RSRP1: variants seen among roughly 807,000 people sequenced by gnomAD.
RSRP1 encodes arginine/serine-rich protein 1.
In RSRP1, 37 loss-of-function variants were observed where a neutral mutation model predicts 33.0. That is an observed-to-expected ratio of 1.12 (90% CI 0.86 to 1.48). The LOEUF (loss-of-function observed/expected upper bound fraction) is 1.48. RSRP1 is among the 40% of genes most tolerant of loss of function. The probability of loss-of-function intolerance (pLI) is 0.00; values close to 1 mark genes in which losing one functional copy is unlikely to be tolerated. For synonymous variants in RSRP1, 167 were observed against 158.7 expected (o/e 1.05, Z -0.40); for missense variants, 402 against 385.3 (o/e 1.04, Z -0.36).
At chr1:25,284,337 T>C (rs1641765001) in intron 1 of RSRP1, among the ~76,000 whole-genome samples, 2 of 135,876 alleles carry the variant, frequency 1.5e-5, no homozygotes, top group Non-Finnish European at 3.5e-5. Context: ...CTGCCCTAAG[T>C]GCTTAATTAG....
Position 25,309,320 on chromosome 1 carries a change from G to T in RSRP1, c.-67+28658C>A, listed in dbSNP as rs1317071825. ...TTTCAATTCTCAGTCCTTTGATTAC[G>T]TCAGGGAGAAAAGAAAGTCCCCACT... is the stretch of plus-strand genomic sequence containing the variant. On this transcript the variant is annotated intron_variant, in intron 1 of 1. Transcript: ENST00000561867. Among the ~76,000 whole-genome samples, 2 of 130,818 alleles carry T rather than the reference G, an allele frequency of 1.5e-5. 1 individual carries two copies. Among genetic ancestry groups the T allele is most frequent in the Non-Finnish European group, 3.6e-5 (2 of 55,702 alleles). The allele number at this position is 130,818 out of a possible 152,430, so 85.8% of individuals were successfully genotyped here.
chr1:25,246,320 T>C, intron 2 of RSRP1, 124 bp downstream of exon 2: 1 of 1,443,352 alleles, frequency 6.9e-7, no homozygotes, highest in Non-Finnish European at 9.4e-7. Context: ...CCCTCTTTCC[T>C]CCAAAAAGAT....
Position 25,319,320 on chromosome 1 carries a change from A to G in RSRP1, c.-67+18658T>C, listed in dbSNP as rs1225858774. On this transcript the variant is annotated intron_variant, in intron 1 of 1. Coordinates refer to the RSRP1 transcript ENST00000561867. ...TTTACATGTTGTTTTTGACATGAGCAAACTGGTGATTAAAAACAACTTGGG... is the reference window on the plus strand; with the variant it reads ...TTTACATGTTGTTTTTGACATGAGCGAACTGGTGATTAAAAACAACTTGGG... Among the ~76,000 whole-genome samples the G allele has an allele frequency of 5.3e-5, 7 of 132,816 alleles. 3 individuals carry two copies. The highest frequency in any genetic ancestry group is 1.3e-4 in the Non-Finnish European group (7 of 55,970). 87.1% of individuals were successfully genotyped at this position (132,816 alleles called of 152,430 possible).
At chr1:25,244,329 T>C (rs1213891246) in intron 3 of RSRP1, 3 of 1,287,964 alleles carry the variant, frequency 2.3e-6, no homozygotes, top group African/African-American at 3.0e-5. Context: ...TAATACTTTA[T>C]GCAAATAGTG....
rs1329325308 is a variant in RSRP1 at position 25,311,974 on chromosome 1, C to T, written c.-67+26004G>A. On this transcript the variant is annotated intron_variant, in intron 1 of 1. Transcript: ENST00000561867. ...AGTGGAGCTACAAGGGTGGGGCCAC[C>T]GCCAAGACCCCAGAATGGTAGAGCT... 5.5e-5 allele frequency among the ~76,000 whole-genome samples: 7 copies of T among 126,950 alleles called. 2 individuals are homozygous for T. Among genetic ancestry groups the T allele is most frequent in the Admixed American group, 1.5e-4 (2 of 13,194 alleles). The allele number at this position is 126,950 out of a possible 152,430, so 83.3% of individuals were successfully genotyped here.
chr1:25,258,630 T>C (rs1164631370), intron 1 of RSRP1, among the ~76,000 whole-genome samples: 1 of 152,206 alleles, frequency 6.6e-6, no homozygotes, highest in Non-Finnish European at 1.5e-5. Flanking sequence ...CTCAGTAGGT[T>C]CAAAACCAAA....
chr1:25,290,671 G>C, intron 1 of RSRP1: 1 of 1,378,290 alleles, frequency 7.3e-7, no homozygotes, highest in South Asian at 1.2e-5. Context: ...GTGCTTTGTC[G>C]GTGCTGATCT....
intron 1 of RSRP1, among the ~76,000 whole-genome samples, chr1:25,257,793 T>C (rs1249000445): frequency 6.6e-6 from 1 of 152,016 alleles, no homozygotes; most frequent in South Asian, 2.1e-4. Flanking sequence ...GTATTTTTTG[T>C]AGACATAGGG....
intron 1 of RSRP1, chr1:25,253,879 G>A (rs747655821): frequency 6.6e-6 from 1 of 152,220 alleles, no homozygotes; most frequent in Non-Finnish European, 1.5e-5. Flanking sequence ...TCCAACGGTG[G>A]TGGGGGTCAG....
chr1:25,285,236 G>A (rs1641870091), intron 1 of RSRP1, among the ~76,000 whole-genome samples: 1 of 132,702 alleles, frequency 7.5e-6, no homozygotes, highest in Non-Finnish European at 1.8e-5. Flanking sequence ...CTGGGTTCAA[G>A]CGATTCTCCT....
At chr1:25,284,616 C>G (rs776994652) in intron 1 of RSRP1, 1 of 1,389,192 alleles carries the variant, frequency 7.2e-7, no homozygotes, top group East Asian at 2.2e-5. Context: ...GCTTGGGCTT[C>G]CTCACCTCGA....
At position 25,328,948 on chromosome 1, in the gene RSRP1, G is replaced by C; in HGVS notation, c.-67+9030C>G. ...AAGCAAAAGCATCCAAGAAAAACAA[G>C]GCCTGTTCAAAAACAAGACAACTTC... On this transcript the variant is annotated intron_variant, in intron 1 of 1. Coordinates refer to the RSRP1 transcript ENST00000561867. 3 of 1,319,212 alleles carry C rather than the reference G, an allele frequency of 2.3e-6. 1 individual carries two copies. Among genetic ancestry groups the C allele is most frequent in the Non-Finnish European group, 1.1e-6 (1 of 932,382 alleles). The allele number at this position is 1,319,212 out of a possible 1,614,324, so 81.7% of individuals were successfully genotyped here. A position where few individuals can be genotyped will look rare whatever the true frequency, so the allele number is the denominator to read the frequency against.
At chr1:25,320,971 G>C (rs1161281082) in intron 1 of RSRP1, among the ~76,000 whole-genome samples, 1 of 131,576 alleles carries the variant, frequency 7.6e-6, no homozygotes, top group Non-Finnish European at 1.8e-5. Context: ...TTGACCCCGG[G>C]AGTTTGAGGC....
chr1:25,274,263 T>G (rs1391441023), intron 1 of RSRP1, among the ~76,000 whole-genome samples: 1 of 132,134 alleles, frequency 7.6e-6, no homozygotes, highest in Non-Finnish European at 1.8e-5. Context: ...CCACGGTCGC[T>G]CAGCTAGCAA....
In RSRP1 at chr1:25,320,782, C is replaced by A. The variant is rs1465181375; in HGVS notation, c.-67+17196G>T. Among the ~76,000 whole-genome samples the A allele has an allele frequency of 2.3e-5, 3 of 132,018 alleles. 1 individual carries two copies. The highest frequency in any genetic ancestry group is 5.4e-5 in the Non-Finnish European group (3 of 55,770). The allele number at this position is 132,018 out of a possible 152,430, so 86.6% of individuals were successfully genotyped here. On this transcript the variant is annotated intron_variant, in intron 1 of 1. Transcript: ENST00000561867. Reference sequence around the variant, plus strand: ...GGAGGTTGGGCACAGTGGCTCACACCTGTAATCGCAGCCATTTAGAAGGCA... The same window carrying A: ...GGAGGTTGGGCACAGTGGCTCACACATGTAATCGCAGCCATTTAGAAGGCA...
chr1:25,264,591 A>G (rs114786197), intron 1 of RSRP1, among the ~76,000 whole-genome samples: 9,883 of 146,084 alleles, frequency 0.068, 659 homozygotes, highest in African/African-American at 0.25. Flanking sequence ...ATACCTCTGG[A>G]CCTGTGATGG....
At chr1:25,278,580 G>A (rs114355122) in intron 1 of RSRP1, among the ~76,000 whole-genome samples, 1,965 of 131,084 alleles carry the variant, frequency 0.015, 269 homozygotes, top group African/African-American at 0.048. Flanking sequence ...TTGGCAGTTG[G>A]TGATTCACTG....
At chr1:25,336,998 T>G (rs887947891) in intron 1 of RSRP1, 1 of 152,922 alleles carries the variant, frequency 6.5e-6, no homozygotes, top group African/African-American at 2.4e-5. Flanking sequence ...TACATGTCAA[T>G]CAGATGAACC....
chr1:25,331,037 G>A lies in RSRP1; in HGVS notation c.-67+6941C>T, dbSNP rs538773988. Reference sequence around the variant, plus strand: ...GGAGTGCAGTGGCCCGATGGATCTCGGCTCACTGCAACCTCTGCCTCCCAG... The same window carrying A: ...GGAGTGCAGTGGCCCGATGGATCTCAGCTCACTGCAACCTCTGCCTCCCAG... On this transcript the variant is annotated intron_variant, in intron 1 of 1. Coordinates refer to the RSRP1 transcript ENST00000561867. Among the ~76,000 whole-genome samples the A allele has an allele frequency of 4.0e-3, 453 of 112,202 alleles. 49 individuals carry two copies. The highest frequency in any genetic ancestry group is 0.013 in the African/African-American group (440 of 33,000). 73.6% of individuals were successfully genotyped at this position (112,202 alleles called of 152,430 possible).
Sources: gnomAD v4.1 joint callset for allele counts (sites outside exome capture counted in the v4.1 genomes callset) on GRCh38, gnomAD v4.1.1 for gene constraint, MANE v1.5 for transcripts, NCBI Gene and HGNC (gene_info 2026-07-23, HGNC 2026-07-21) for gene names.